Variants in MECOM observed in about 807,000 individuals in gnomAD.
MECOM encodes MDS1 and EVI1 complex locus.
A neutral mutation model predicts 116.3 loss-of-function variants in MECOM; 13 were observed. That is an observed-to-expected ratio of 0.11 (90% CI 0.07 to 0.18). The LOEUF is 0.18. Ranked by LOEUF, MECOM falls within the 10% of genes least tolerant of loss-of-function variation. MECOM has a pLI of 1.00. For synonymous variants in MECOM, 528 were observed against 535.2 expected, an observed-to-expected ratio of 0.99 and a Z score of 0.19; for missense variants, 1,299 against 1,509.0, an observed-to-expected ratio of 0.86 and a Z score of 2.31.
chr3:169,522,261 A>T (rs1560388208), intron 1 of MECOM, among the ~76,000 whole-genome samples: 1 of 152,244 alleles, frequency 6.6e-6, no homozygotes, highest in African/African-American at 2.4e-5. Flanking sequence ...ACTAAACAAA[A>T]AAAGTAAGAT....
At chr3:169,285,283 C>T (rs1713049387) in intron 2 of MECOM, among the ~76,000 whole-genome samples, 1 of 152,168 alleles carries the variant, frequency 6.6e-6, no homozygotes, top group African/African-American at 2.4e-5. Context: ...AGCCCTGCTT[C>T]TGTGGCGTTT....
intron 1 of MECOM, among the ~76,000 whole-genome samples, chr3:169,451,851 G>C (rs963406304): frequency 1.3e-5 from 2 of 151,948 alleles, no homozygotes; most frequent in Non-Finnish European, 2.9e-5. Context: ...AAGCTATCCT[G>C]CGAGCATGTT....
At chr3:169,085,770 G>A (rs893074225) in intron 16 of MECOM, among the ~76,000 whole-genome samples, 4 of 152,168 alleles carry the variant, frequency 2.6e-5, no homozygotes, top group African/African-American at 9.7e-5. Context: ...TGCTCTGTGA[G>A]GAAGTACTCT....
chr3:169,282,163 A>G (rs1712199299), intron 2 of MECOM, among the ~76,000 whole-genome samples: 1 of 152,180 alleles, frequency 6.6e-6, no homozygotes, highest in Non-Finnish European at 1.5e-5. Context: ...CTGGGGGAGG[A>G]TATAGAATTG....
chr3:169,485,985 GTA>G lies in MECOM; in HGVS notation c.38-104463_38-104462del, dbSNP rs1212490457. The stretch of plus-strand genomic sequence containing the variant: ...TATACTATATATACATATATATATA[GTA>G]TATATATGTATATATATACTATATA... On this transcript the variant is annotated intron_variant, in intron 1 of 16. Transcript: ENST00000651503. Among the ~76,000 whole-genome samples the G allele has an allele frequency of 5.3e-4, 28 of 53,260 alleles. 1 individual carries two copies. The highest frequency in any genetic ancestry group is 1.1e-3 in the Admixed American group (5 of 4,716). The allele number at this position is 53,260 out of a possible 152,430, so 34.9% of individuals were successfully genotyped here. A position where few individuals can be genotyped will look rare whatever the true frequency, so the allele number is the denominator to read the frequency against.
rs1226229704 is a variant in MECOM, at chr3:169,523,642, T to A, written c.37+139694A>T. Among the ~76,000 whole-genome samples, 5 of 152,098 alleles carry A rather than the reference T, an allele frequency of 3.3e-5. No homozygotes were observed. In the South Asian group the frequency reaches 1.0e-3, roughly 32 times the overall value. On this transcript the variant is annotated intron_variant, in intron 1 of 16. Transcript: ENST00000651503. ...CTGTGTAACCATTCCCAAACTTCTT[T>A]AGGCTGTTTATTATCTATGCAATGT... is the stretch of plus-strand genomic sequence containing the variant.
chr3:169,340,921 T>C (rs1170196086), intron 2 of MECOM, among the ~76,000 whole-genome samples: 2 of 152,154 alleles, frequency 1.3e-5, no homozygotes, highest in Non-Finnish European at 2.9e-5. Context: ...TGTGTCTACA[T>C]GAGACAAGCA....
At chr3:169,498,900 T>G (rs917069180) in intron 1 of MECOM, among the ~76,000 whole-genome samples, 1 of 151,886 alleles carries the variant, frequency 6.6e-6, no homozygotes, top group African/African-American at 2.4e-5. Context: ...ACAATACTTA[T>G]GAAAAAAACC....
intron 2 of MECOM, among the ~76,000 whole-genome samples, chr3:169,364,620 G>A (rs1312476862): frequency 6.6e-6 from 1 of 151,984 alleles, no homozygotes; most frequent in African/African-American, 2.4e-5. Context: ...TGATGGCATT[G>A]AAAAGTTATT....
At chr3:169,515,653 T>C (rs935888858) in intron 1 of MECOM, among the ~76,000 whole-genome samples, 18 of 152,188 alleles carry the variant, frequency 1.2e-4, no homozygotes, top group Admixed American at 9.8e-4. Context: ...ATGAAGTCCT[T>C]TGTATATATG....
intron 2 of MECOM, among the ~76,000 whole-genome samples, chr3:169,281,779 T>C (rs2149679330): frequency 6.6e-6 from 1 of 152,242 alleles, no homozygotes; most frequent in Non-Finnish European, 1.5e-5. Context: ...AACACTGCAT[T>C]TCAGCCTGGG....
chr3:169,500,669 T>A (rs772561566), intron 1 of MECOM, among the ~76,000 whole-genome samples: 1 of 151,958 alleles, frequency 6.6e-6, no homozygotes. Flanking sequence ...ACCCATCTTA[T>A]AAGGATTTAA....
At chr3:169,168,573 A>G (rs1743957950) in intron 2 of MECOM, among the ~76,000 whole-genome samples, 1 of 152,126 alleles carries the variant, frequency 6.6e-6, no homozygotes, top group Admixed American at 6.5e-5. Context: ...TACACTTCTT[A>G]TACAGAATTA....
chr3:169,485,218 C>G (rs1170077026), intron 1 of MECOM, among the ~76,000 whole-genome samples: 1 of 152,124 alleles, frequency 6.6e-6, no homozygotes, highest in Non-Finnish European at 1.5e-5. Flanking sequence ...TAGTCTCAAA[C>G]TCCTGACCTC....
At chr3:169,444,454 A>G (rs1744265657) in intron 1 of MECOM, among the ~76,000 whole-genome samples, 1 of 152,118 alleles carries the variant, frequency 6.6e-6, no homozygotes, top group African/African-American at 2.4e-5. Flanking sequence ...AAGTCTCATG[A>G]GATCTGATGG....
chr3:169,375,688 T>C (rs1414064065), intron 2 of MECOM, among the ~76,000 whole-genome samples: 2 of 152,094 alleles, frequency 1.3e-5, no homozygotes, highest in African/African-American at 2.4e-5. Flanking sequence ...CAGTAATTAA[T>C]AGTCTACCAA....
intron 1 of MECOM, among the ~76,000 whole-genome samples, chr3:169,455,775 G>A (rs1746371568): frequency 3.3e-5 from 5 of 152,128 alleles, no homozygotes; most frequent in Admixed American, 2.6e-4. Flanking sequence ...TGAAACTCAG[G>A]ATCCTATGTC....
intron 2 of MECOM, among the ~76,000 whole-genome samples, chr3:169,154,775 C>T (rs567495618): frequency 1.3e-5 from 2 of 152,158 alleles, no homozygotes; most frequent in East Asian, 3.9e-4. Context: ...ATTGGTATTG[C>T]TATTATAATT....
At chr3:169,513,250 C>A (rs985409410) in intron 1 of MECOM, among the ~76,000 whole-genome samples, 10 of 152,222 alleles carry the variant, frequency 6.6e-5, no homozygotes, top group African/African-American at 2.4e-4. Context: ...AGATGTATTA[C>A]TGCCTTGCTG....
Sources: gnomAD v4.1 joint callset for allele counts (sites outside exome capture counted in the v4.1 genomes callset) on GRCh38, gnomAD v4.1.1 for gene constraint, MANE v1.5 for transcripts, NCBI Gene and HGNC (gene_info 2026-07-23, HGNC 2026-07-21) for gene names.